The following TRMT9B variants were observed in gnomAD, a reference collection of about 807,000 sequenced individuals.
TRMT9B encodes probable tRNA methyltransferase 9B.
TRMT9B carries 16 observed loss-of-function variants against 11.5 expected under a neutral mutation model. The observed-to-expected ratio is 1.39, with a 90% CI of 0.94 to 2.11. The LOEUF (loss-of-function observed/expected upper bound fraction) is 2.11, where lower values mean the gene tolerates loss of function less well. Ranked by LOEUF, TRMT9B falls within the 30% of genes most tolerant of loss-of-function variation. TRMT9B has a pLI of 0.00. For synonymous variants in TRMT9B, 274 were observed against 192.4 expected, an observed-to-expected ratio of 1.42 and a Z score of -3.51; for missense variants, 941 against 553.8, an observed-to-expected ratio of 1.70 and a Z score of -7.02.
At chr8:12,965,562 A>G (rs544455770) in intron 1 of TRMT9B, among the ~76,000 whole-genome samples, 61 of 152,222 alleles carry the variant, frequency 4.0e-4, no homozygotes, top group Admixed American at 9.2e-4. Context: ...TGATGACCCG[A>G]AAGTCTTTTT....
Position 13,021,596 on chromosome 8 carries a change from GT to G in TRMT9B, c.920del (p.Leu307Ter). 1 of 1,613,906 alleles carries G rather than the reference GT, an allele frequency of 6.2e-7. No individual in the cohort carries two copies. The highest frequency in any genetic ancestry group is 1.1e-5 in the South Asian group (1 of 91,076). ...GAGCCATTTTCAACAAAAGGGCAAA[GT>G]TTAGATGAGGAAGTGTTTGTGGAAT... Reference protein sequence around the residue: ...HQEPFSTKGQSLDEEVFVESS... With the variant: ...HQEPFSTKGQXLDEEVFVESS... On this transcript the variant is annotated frameshift_variant, in exon 5 of 5. Coordinates refer to ENST00000524591, the MANE Select transcript of TRMT9B (RefSeq NM_020844.3). LOFTEE classifies it low-confidence loss of function (END_TRUNC).
intron 1 of TRMT9B, among the ~76,000 whole-genome samples, chr8:12,961,056 G>C (rs373412004): frequency 6.6e-6 from 1 of 152,208 alleles, no homozygotes; most frequent in Non-Finnish European, 1.5e-5. Context: ...CAGGAGAATC[G>C]CTTGAACCCG....
intron 2 of TRMT9B, among the ~76,000 whole-genome samples, chr8:12,991,724 G>A (rs760129351): frequency 2.0e-5 from 3 of 152,046 alleles, no homozygotes; most frequent in Non-Finnish European, 2.9e-5. Context: ...CCTGAGGTCC[G>A]GAGTTCAAGA....
chr8:13,012,864 C>A lies in TRMT9B; in HGVS notation c.328+7C>A. The A allele has an allele frequency of 6.2e-7, 1 of 1,612,696 alleles. No individual in the cohort carries two copies. Among genetic ancestry groups the A allele is most frequent in the Non-Finnish European group, 8.5e-7 (1 of 1,179,344 alleles). On this transcript the variant is annotated splice_region_variant and intron_variant, in intron 4 of 4. Coordinates refer to ENST00000524591, the MANE Select transcript of TRMT9B (RefSeq NM_020844.3). ...GCCATCATCTCCATAGGAGGTAAGGCAGCCAGATCACACATTCACCCTTTG... is the reference window on the plus strand; with the variant it reads ...GCCATCATCTCCATAGGAGGTAAGGAAGCCAGATCACACATTCACCCTTTG...
intron 1 of TRMT9B, among the ~76,000 whole-genome samples, chr8:12,966,617 G>T (rs1343580187): frequency 1.8e-4 from 27 of 152,154 alleles, no homozygotes; most frequent in Admixed American, 1.7e-3. Context: ...ATTTAAATTG[G>T]TCTAAATTTT....
intron 2 of TRMT9B, among the ~76,000 whole-genome samples, chr8:13,003,434 A>C (rs1049801721): frequency 6.6e-6 from 1 of 152,090 alleles, no homozygotes; most frequent in Non-Finnish European, 1.5e-5. Flanking sequence ...AAGGTCAGGG[A>C]AGTCTTCCTG....
intron 1 of TRMT9B, among the ~76,000 whole-genome samples, chr8:12,983,362 A>C (rs1288609891): frequency 3.9e-5 from 6 of 152,110 alleles, no homozygotes; most frequent in African/African-American, 1.4e-4. Flanking sequence ...ACTCTGGAGG[A>C]AATATTTTTT....
chr8:13,009,537 G>T (rs999007741), intron 3 of TRMT9B, among the ~76,000 whole-genome samples: 4 of 152,138 alleles, frequency 2.6e-5, no homozygotes, highest in Non-Finnish European at 4.4e-5. Flanking sequence ...GGCCTCTGAC[G>T]CTGTTAGCTT....
At chr8:12,970,507 A>T (rs147352754) in intron 1 of TRMT9B, among the ~76,000 whole-genome samples, 14 of 152,332 alleles carry the variant, frequency 9.2e-5, no homozygotes, top group African/African-American at 3.4e-4. Flanking sequence ...TCCGTTGTTC[A>T]GATCTAGAGC....
intron 1 of TRMT9B, among the ~76,000 whole-genome samples, chr8:12,977,851 C>CA (rs113801109): frequency 0.45 from 62,266 of 139,878 alleles, 13,257 homozygotes; most frequent in Middle Eastern, 0.56. Flanking sequence ...CCTATCTCTA[C>CA]AAAAAAAAAA....
chr8:12,969,740 C>T (rs537501405), intron 1 of TRMT9B, among the ~76,000 whole-genome samples: 6 of 151,890 alleles, frequency 4.0e-5, no homozygotes, highest in East Asian at 1.9e-4. Context: ...GGTACAATCA[C>T]GGCTCATTGC....
intron 1 of TRMT9B, among the ~76,000 whole-genome samples, chr8:12,982,276 G>C (rs977698643): frequency 6.6e-6 from 1 of 152,166 alleles, no homozygotes; most frequent in Non-Finnish European, 1.5e-5. Flanking sequence ...TCACAAGAGG[G>C]ATATGATGGA....
chr8:12,948,742 C>T (rs1402211859), intron 1 of TRMT9B, among the ~76,000 whole-genome samples: 1 of 151,972 alleles, frequency 6.6e-6, no homozygotes, highest in Non-Finnish European at 1.5e-5. Flanking sequence ...GGGTGGATCA[C>T]GAGGTCAGGA....
intron 1 of TRMT9B, among the ~76,000 whole-genome samples, chr8:12,980,689 C>G (rs892516817): frequency 4.6e-5 from 7 of 152,228 alleles, no homozygotes; most frequent in African/African-American, 1.7e-4. Flanking sequence ...GAGACGAATC[C>G]TACATGGGAC....
In TRMT9B at chr8:13,027,730, C is replaced by G. The variant is rs959882143; in HGVS notation, c.*5686C>G. On this transcript the variant is annotated 3_prime_UTR_variant, in exon 5 of 5. Coordinates refer to ENST00000524591, the MANE Select transcript of TRMT9B (RefSeq NM_020844.3). ...AAAAATGCACGATACAGGCTTCATT[C>G]TATCAAGAGGCATATGAGGTAAGCG... 1.8e-5 allele frequency: 3 copies of G among 167,034 alleles called. No individual in the cohort carries two copies. Among genetic ancestry groups the G allele is most frequent in the African/African-American group, 7.2e-5 (3 of 41,434 alleles). 10.3% of individuals were successfully genotyped at this position (167,034 alleles called of 1,614,324 possible).
chr8:12,994,919 T>TGATC (rs1350875149), intron 2 of TRMT9B, among the ~76,000 whole-genome samples: 3 of 152,178 alleles, frequency 2.0e-5, no homozygotes, highest in African/African-American at 7.2e-5. Context: ...CGACCTCAGG[T>TGATC]GATCCACTCG....
chr8:12,988,995 G>C (rs117292882), intron 1 of TRMT9B, among the ~76,000 whole-genome samples: 1 of 152,044 alleles, frequency 6.6e-6, no homozygotes. Context: ...TCTTTTATCT[G>C]TATCCCTAGT....
intron 4 of TRMT9B, among the ~76,000 whole-genome samples, chr8:13,017,406 T>G (rs11779957): frequency 0.26 from 39,336 of 152,064 alleles, 6,022 homozygotes; most frequent in East Asian, 0.6. Flanking sequence ...ATGCATATAT[T>G]GAGTACTACT....
intron 1 of TRMT9B, among the ~76,000 whole-genome samples, chr8:12,975,945 A>G (rs1804378993): frequency 1.3e-5 from 2 of 152,184 alleles, no homozygotes; most frequent in Admixed American, 6.5e-5. Flanking sequence ...ACAAATGAAT[A>G]CGATAATATT....
Sources: allele counts gnomAD v4.1 joint callset (sites outside exome capture counted in the v4.1 genomes callset), GRCh38; gene constraint gnomAD v4.1.1; transcripts MANE v1.5; gene names NCBI Gene and HGNC (gene_info 2026-07-23, HGNC 2026-07-21).